The following UNC79 variants were observed in gnomAD, a reference collection of about 807,000 sequenced individuals.
UNC79 encodes protein unc-79 homolog.
Under a neutral mutation model 283.1 loss-of-function variants are expected in UNC79, and 37 were observed. The ratio of observed to expected loss-of-function variants is 0.13; its 90% confidence interval spans 0.10 to 0.17. The LOEUF (loss-of-function observed/expected upper bound fraction) is 0.17, where lower values mean the gene tolerates loss of function less well. UNC79 is among the 10% of genes least tolerant of loss of function. The pLI is 1.00. For synonymous variants in UNC79, 1,107 were observed against 1,200.2 expected (o/e 0.92, Z 1.61); for missense variants, 2,272 against 3,211.1 (o/e 0.71, Z 7.07).
Position 93,404,493 on chromosome 14 carries a change from A to AAAAATATATATATATATAT in UNC79, c.-350-63177_-350-63176insAAATATATATATATATATA. On this transcript the variant is annotated intron_variant, in intron 1 of 49. Transcript: ENST00000256339. ...TGACAGAGTGAGACCTTCTAAAAAA[A>AAAAATATATATATATATAT]ATATATATATATATATATATAAATA... 6.5e-5 allele frequency among the ~76,000 whole-genome samples: 4 copies of AAAAATATATATATATATAT among 61,498 alleles called. No individual in the cohort carries two copies. In the South Asian group the frequency reaches 1.8e-3, roughly 28 times the overall value. 40.3% of individuals were successfully genotyped at this position (61,498 alleles called of 152,430 possible). A position where few individuals can be genotyped will look rare whatever the true frequency, so the allele number is the denominator to read the frequency against.
chr14:93,635,001 G>A (rs2140126400), intron 31 of UNC79, among the ~76,000 whole-genome samples: 1 of 152,258 alleles, frequency 6.6e-6, no homozygotes, highest in Admixed American at 6.5e-5. Context: ...CGCCCCAAAT[G>A]AGGGAATATT....
At chr14:93,357,975 A>G (rs1438104691) in intron 1 of UNC79, among the ~76,000 whole-genome samples, 2 of 140,918 alleles carry the variant, frequency 1.4e-5, no homozygotes, top group Non-Finnish European at 3.0e-5. Context: ...CCATATATAT[A>G]GATATATATC....
At chr14:93,603,213 T>G in intron 25 of UNC79, 26 bp from the exon 26 acceptor site, 1 of 1,612,298 alleles carries the variant, frequency 6.2e-7, no homozygotes, top group Non-Finnish European at 8.5e-7. Context: ...AGGAGAGTGA[T>G]AGTCTCTTTA....
At chr14:93,406,419 TA>T (rs1180996024) in intron 1 of UNC79, among the ~76,000 whole-genome samples, 1 of 151,424 alleles carries the variant, frequency 6.6e-6, no homozygotes, top group South Asian at 2.1e-4. Flanking sequence ...CCCATATCTT[TA>T]AAAAAAAGAA....
chr14:93,408,808 G>A (rs1400693685), intron 1 of UNC79, among the ~76,000 whole-genome samples: 1 of 152,190 alleles, frequency 6.6e-6, no homozygotes, highest in African/African-American at 2.4e-5. Context: ...TGGTGTATGT[G>A]ATGTGGGAGG....
chr14:93,397,168 G>A lies in UNC79; in HGVS notation c.-351+63645G>A, dbSNP rs190531899. Reference sequence around the variant, plus strand: ...AGCCAGTCAAATTTAGCAGCAGGTGGTTATATACCAACTTTAGTGACACTA... The same window carrying A: ...AGCCAGTCAAATTTAGCAGCAGGTGATTATATACCAACTTTAGTGACACTA... On this transcript the variant is annotated intron_variant, in intron 1 of 49. Coordinates refer to the UNC79 transcript ENST00000256339. 37 of 152,180 alleles carry A rather than the reference G, an allele frequency of 2.4e-4. No homozygotes were observed. In the East Asian group the frequency reaches 7.0e-3, roughly 29 times the overall value. 9.4% of individuals were successfully genotyped at this position (152,180 alleles called of 1,614,324 possible). A position where few individuals can be genotyped will look rare whatever the true frequency, so the allele number is the denominator to read the frequency against.
At chr14:93,596,949 A>T (rs980022204) in intron 23 of UNC79, among the ~76,000 whole-genome samples, 5 of 152,206 alleles carry the variant, frequency 3.3e-5, no homozygotes, top group Admixed American at 2.0e-4. Flanking sequence ...CAGAACCCAG[A>T]GCCAGTACTG....
chr14:93,560,396 G>A (rs541468365), intron 14 of UNC79, among the ~76,000 whole-genome samples: 7 of 152,222 alleles, frequency 4.6e-5, no homozygotes, highest in African/African-American at 1.4e-4. Flanking sequence ...GGCAGTTTTG[G>A]AGGACAACTG....
intron 7 of UNC79, among the ~76,000 whole-genome samples, chr14:93,503,683 T>A (rs2059401474): frequency 6.6e-6 from 1 of 152,082 alleles, no homozygotes; most frequent in Non-Finnish European, 1.5e-5. Flanking sequence ...CTATGTTTAT[T>A]TGCCATTTGA....
At chr14:93,656,954 T>C (rs1471843619) in intron 38 of UNC79, among the ~76,000 whole-genome samples, 2 of 152,246 alleles carry the variant, frequency 1.3e-5, no homozygotes, top group Non-Finnish European at 2.9e-5. Flanking sequence ...CATAAGATAC[T>C]TGATAAAGAT....
chr14:93,370,193 C>T (rs186764145), intron 1 of UNC79, among the ~76,000 whole-genome samples: 3 of 152,082 alleles, frequency 2.0e-5, no homozygotes, highest in Non-Finnish European at 2.9e-5. Flanking sequence ...ACATAAAGAA[C>T]GATTTGAAGA....
At chr14:93,373,800 A>G (rs1041387121) in intron 1 of UNC79, among the ~76,000 whole-genome samples, 1 of 152,220 alleles carries the variant, frequency 6.6e-6, no homozygotes. Context: ...CATTATAAGA[A>G]AAGAAAAAAA....
At chr14:93,553,771 A>G (rs956755251) in intron 14 of UNC79, among the ~76,000 whole-genome samples, 1 of 152,214 alleles carries the variant, frequency 6.6e-6, no homozygotes, top group Non-Finnish European at 1.5e-5. Flanking sequence ...TTTAAATGTG[A>G]TAGTGTTTCC....
intron 9 of UNC79, 48 bp downstream of exon 9, chr14:93,528,694 AG>A (rs1205914174): frequency 6.4e-7 from 1 of 1,557,384 alleles, no homozygotes; most frequent in African/African-American, 1.4e-5. Context: ...AACAATAAGA[AG>A]ATAAGAAAAA....
chr14:93,491,944 T>G (rs112104563), intron 5 of UNC79, among the ~76,000 whole-genome samples: 122 of 152,312 alleles, frequency 8.0e-4, no homozygotes, highest in African/African-American at 2.8e-3. Flanking sequence ...CACCAGGGGC[T>G]CTCTGGGACC....
At chr14:93,565,260 G>A (rs933517514) in intron 14 of UNC79, among the ~76,000 whole-genome samples, 4 of 152,146 alleles carry the variant, frequency 2.6e-5, no homozygotes, top group Non-Finnish European at 5.9e-5. Context: ...GGGGCTTTTG[G>A]TACTTTCTTC....
At chr14:93,442,919 T>C (rs1390782456) in intron 1 of UNC79, among the ~76,000 whole-genome samples, 5 of 152,032 alleles carry the variant, frequency 3.3e-5, no homozygotes, top group Non-Finnish European at 5.9e-5. Context: ...CAAAACCCTA[T>C]ATCTACTAAA....
intron 26 of UNC79, among the ~76,000 whole-genome samples, chr14:93,609,487 G>A (rs1203240871): frequency 2.6e-5 from 4 of 152,088 alleles, no homozygotes; most frequent in Admixed American, 2.0e-4. Flanking sequence ...CACATTAAAG[G>A]TATGGTAGGA....
chr14:93,374,926 T>C (rs2054525091), intron 1 of UNC79, among the ~76,000 whole-genome samples: 1 of 152,062 alleles, frequency 6.6e-6, no homozygotes, highest in Non-Finnish European at 1.5e-5. Flanking sequence ...GAGTTTTGAG[T>C]TGGTGTTGGA....
Sources: gnomAD v4.1 joint callset for allele counts (sites outside exome capture counted in the v4.1 genomes callset) on GRCh38, gnomAD v4.1.1 for gene constraint, MANE v1.5 for transcripts, NCBI Gene and HGNC (gene_info 2026-07-23, HGNC 2026-07-21) for gene names.